LIMCH1: variants seen among roughly 807,000 people sequenced by gnomAD.
The protein encoded by LIMCH1 is LIM and calponin homology domains 1.
In LIMCH1, 113 loss-of-function variants were observed where a neutral mutation model predicts 176.5. The ratio of observed to expected loss-of-function variants is 0.64; its 90% CI spans 0.55 to 0.75. The LOEUF (loss-of-function observed/expected upper bound fraction) is 0.75, where lower values mean the gene tolerates loss of function less well. Ranked by LOEUF, LIMCH1 falls within the 30% of genes least tolerant of loss-of-function variation. LIMCH1 has a pLI of 0.00. For missense variants in LIMCH1, 1,674 were observed against 1,814.9 expected (o/e 0.92, Z 1.41); for synonymous variants, 619 against 645.9 (o/e 0.96, Z 0.63).
At position 41,427,081 on chromosome 4, in the gene LIMCH1, A is replaced by G. The variant is rs2061177072; in HGVS notation, c.96+66145A>G. ...AATCAAAGAATGATTGATCATTGGC[A>G]CCTCCTGATTCTATTTGGTGGTCAG... is the stretch of plus-strand genomic sequence containing the variant. On this transcript the variant is annotated intron_variant, in intron 1 of 26. Coordinates refer to the LIMCH1 transcript ENST00000313860. Among the ~76,000 whole-genome samples the G allele has an allele frequency of 3.9e-5, 6 of 152,106 alleles. No homozygotes were observed. The South Asian group carries it at 1.2e-3, about 32-fold the overall frequency.
At chr4:41,678,729 C>CGT (rs68172613) in intron 23 of LIMCH1, among the ~76,000 whole-genome samples, 2,615 of 150,038 alleles carry the variant, frequency 0.017, 58 homozygotes, top group African/African-American at 0.059. Context: ...AGAGAGAGAT[C>CGT]GTGTGTGTGT....
At chr4:41,447,237 CAACA>C (rs1467823622) in intron 1 of LIMCH1, among the ~76,000 whole-genome samples, 1 of 152,116 alleles carries the variant, frequency 6.6e-6, no homozygotes, top group Non-Finnish European at 1.5e-5. Context: ...CCTGTCTCAA[CAACA>C]AACAAACAGC....
intron 2 of LIMCH1, among the ~76,000 whole-genome samples, chr4:41,522,147 T>C (rs2076185553): frequency 6.6e-6 from 1 of 152,178 alleles, no homozygotes; most frequent in Admixed American, 6.5e-5. Context: ...TTTCATCTTA[T>C]TAGAAAAATC....
At chr4:41,521,160 G>A (rs535708452) in intron 2 of LIMCH1, among the ~76,000 whole-genome samples, 39 of 152,126 alleles carry the variant, frequency 2.6e-4, no homozygotes, top group Non-Finnish European at 5.0e-4. Flanking sequence ...GTTTTGTCTC[G>A]AATTATGCTT....
At chr4:41,615,391 T>G (rs2091951154) in intron 5 of LIMCH1, among the ~76,000 whole-genome samples, 1 of 152,140 alleles carries the variant, frequency 6.6e-6, no homozygotes, top group African/African-American at 2.4e-5. Context: ...GAAGTACAAT[T>G]TAGTTTGCAG....
chr4:41,517,555 C>G (rs928126379), intron 2 of LIMCH1, among the ~76,000 whole-genome samples: 1 of 152,232 alleles, frequency 6.6e-6, no homozygotes, highest in African/African-American at 2.4e-5. Context: ...CATTCTGAAC[C>G]GTGCATAGCA....
intron 1 of LIMCH1, among the ~76,000 whole-genome samples, chr4:41,547,275 C>T (rs1422447907): frequency 6.6e-6 from 1 of 152,110 alleles, no homozygotes; most frequent in Non-Finnish European, 1.5e-5. Flanking sequence ...ACTGGAATTT[C>T]GTGTGCTTTG....
intron 29 of LIMCH1, 116 bp downstream of exon 29, chr4:41,688,033 A>T: frequency 1.3e-6 from 1 of 766,902 alleles, no homozygotes; most frequent in Non-Finnish European, 2.3e-6. Flanking sequence ...GTCCATCCAC[A>T]TCTCTTCCTA....
intron 1 of LIMCH1, 93 bp from the exon 2 acceptor site, chr4:41,598,827 T>C (rs2089407155): frequency 1.5e-6 from 1 of 676,066 alleles, no homozygotes; most frequent in Non-Finnish European, 2.6e-6. Context: ...ATAGCTGCCT[T>C]AGTGACCAGT....
At chr4:41,461,877 G>C (rs6827847) in intron 1 of LIMCH1, among the ~76,000 whole-genome samples, 75,351 of 152,142 alleles carry the variant, frequency 0.5, 22,256 homozygotes, top group African/African-American at 0.83. Flanking sequence ...AAGTAAGAGC[G>C]TAATGAAATG....
chr4:41,555,990 C>T (rs2081199411), intron 1 of LIMCH1, among the ~76,000 whole-genome samples: 1 of 152,080 alleles, frequency 6.6e-6, no homozygotes, highest in Non-Finnish European at 1.5e-5. Flanking sequence ...GGGGGTCTGC[C>T]TGCCTCAGTC....
intron 1 of LIMCH1, among the ~76,000 whole-genome samples, chr4:41,419,561 C>CCCTTCCTT (rs536061729): frequency 0.025 from 2,902 of 116,174 alleles, 162 homozygotes; most frequent in Non-Finnish European, 0.039. Context: ...CTTTCCTTTC[C>CCCTTCCTT]CCTTCCTTCC....
In LIMCH1 at chr4:41,633,806, G is replaced by A. The variant is rs1195550103; in HGVS notation, c.2088G>A (p.Gln696=). The change falls in exon 13 of 32, where the codon CAG becomes CAA. Residue 696 remains glutamine (Q), a splice_region_variant and synonymous_variant. Coordinates refer to ENST00000503057, the MANE Select transcript of LIMCH1 (RefSeq NM_001330672.2). Reference sequence around the variant, plus strand: ...CTAAAGGTCTACCCATGAAAGATCAGAGGTCAGAAAGTTATTCTGTGCCCT... The same window carrying A: ...CTAAAGGTCTACCCATGAAAGATCAAAGGTCAGAAAGTTATTCTGTGCCCT... The part of the protein sequence containing the change: ...ESSKGLPMKD[Q]RYGPRTPVSD... 1 of 1,535,562 alleles carries A rather than the reference G, an allele frequency of 6.5e-7. No homozygotes were observed. Among genetic ancestry groups the A allele is most frequent in the Non-Finnish European group, 8.7e-7 (1 of 1,146,522 alleles).
In LIMCH1 at chr4:41,697,169, A is replaced by C; in HGVS notation, c.4388A>C (p.Gln1463Pro). ...TTTGTTTTAATCACAGGTGCCGGGC[A>C]GCCTACAACATTGTGACACGGCTTT... The part of the protein sequence containing the change: ...DCYMRSRSAG[Q>P]PTTL Residue 1463 changes from glutamine (Q) to proline (P), a missense_variant, in exon 32 of 32, where the codon CAG becomes CCG. Gln to Pro is a moderately conservative substitution (Grantham distance 76). Around this residue, in one of 3 missense-constraint regions of LIMCH1, gnomAD observed 1,015 missense variants for 1,102.5 expected, o/e 0.92. Coordinates refer to ENST00000503057, the MANE Select transcript of LIMCH1 (RefSeq NM_001330672.2). 6.2e-7 allele frequency: 1 copy of C among 1,613,582 alleles called. No individual in the cohort carries two copies. Among genetic ancestry groups the C allele is most frequent in the Middle Eastern group, 1.7e-4 (1 of 6,060 alleles).
At chr4:41,561,282 G>A (rs1277829495) in intron 1 of LIMCH1, among the ~76,000 whole-genome samples, 1 of 152,110 alleles carries the variant, frequency 6.6e-6, no homozygotes. Context: ...ATTTAGTCTT[G>A]CTTCCTTGGC....
intron 2 of LIMCH1, among the ~76,000 whole-genome samples, chr4:41,518,545 C>T (rs575457966): frequency 6.6e-6 from 1 of 152,212 alleles, no homozygotes; most frequent in African/African-American, 2.4e-5. Context: ...AGCATCATTC[C>T]TGGGTGTCTC....
intron 1 of LIMCH1, among the ~76,000 whole-genome samples, chr4:41,395,229 A>ATTTTT (rs757933680): frequency 2.3e-5 from 3 of 130,912 alleles, no homozygotes; most frequent in Non-Finnish European, 3.2e-5. Context: ...GTAGAAGTTA[A>ATTTTT]TTTTTTTTTT....
intron 1 of LIMCH1, among the ~76,000 whole-genome samples, chr4:41,371,711 G>T (rs2053989975): frequency 6.6e-6 from 1 of 152,130 alleles, no homozygotes; most frequent in Non-Finnish European, 1.5e-5. Flanking sequence ...AGACTGGCAG[G>T]CCTGATCCCA....
intron 1 of LIMCH1, among the ~76,000 whole-genome samples, chr4:41,558,188 G>A (rs1423139729): frequency 6.6e-6 from 1 of 151,876 alleles, no homozygotes; most frequent in Non-Finnish European, 1.5e-5. Context: ...ACACTTTGGT[G>A]ACAACTCTTG....
Sources: gnomAD v4.1 joint callset for allele counts (sites outside exome capture counted in the v4.1 genomes callset) on GRCh38, gnomAD v4.1.1 for gene constraint, gnomAD v4.1.1 regional missense constraint, MANE v1.5 for transcripts, NCBI Gene and HGNC (gene_info 2026-07-23, HGNC 2026-07-21) for gene names.